Variants in ZFHX3 observed in about 807,000 individuals in gnomAD.
The protein encoded by ZFHX3 is zinc finger homeobox protein 3.
Under a neutral mutation model 279.1 loss-of-function variants are expected in ZFHX3, and 42 were observed. The ratio of observed to expected loss-of-function variants is 0.15; its 90% CI spans 0.12 to 0.19. ZFHX3 has a LOEUF of 0.19. Ranked by LOEUF, ZFHX3 falls within the 10% of genes least tolerant of loss-of-function variation. The pLI is 1.00. For synonymous variants in ZFHX3, 2,293 were observed against 1,957.8 expected, an observed-to-expected ratio of 1.17 and a Z score of -4.52; for missense variants, 4,981 against 4,754.0, an observed-to-expected ratio of 1.05 and a Z score of -1.40.
intron 4 of ZFHX3, among the ~76,000 whole-genome samples, chr16:72,830,464 GC>G (rs2037035839): frequency 6.6e-6 from 1 of 152,272 alleles, no homozygotes; most frequent in South Asian, 2.1e-4. Context: ...TTGTGAACAT[GC>G]CAGGAGGCAG....
At chr16:73,644,099 T>C (rs1173398846) in intron 2 of ZFHX3, among the ~76,000 whole-genome samples, 2 of 152,070 alleles carry the variant, frequency 1.3e-5, no homozygotes, top group Non-Finnish European at 2.9e-5. Flanking sequence ...AACATGTCTA[T>C]TTCTCTTTTT....
chr16:73,132,617 G>A (rs1966708393), intron 6 of ZFHX3, among the ~76,000 whole-genome samples: 2 of 152,218 alleles, frequency 1.3e-5, no homozygotes, highest in African/African-American at 4.8e-5. Context: ...ATATCACACA[G>A]AGACACAAAG....
Position 73,503,484 on chromosome 16 carries a change from G to A in ZFHX3, c.-1546-47226C>T, listed in dbSNP as rs576350854. 2.7e-4 allele frequency among the ~76,000 whole-genome samples: 41 copies of A among 152,286 alleles called. No homozygotes were observed. The South Asian group carries it at 8.5e-3, about 32-fold the overall frequency. ...TGACCGCACGTGTCTGCTCTTGGGG[G>A]TGGTACTCCATGGCGGCACCTACCC... On this transcript the variant is annotated intron_variant, in intron 2 of 17. Coordinates refer to the ZFHX3 transcript ENST00000641206.
chr16:73,222,071 CAG>C (rs1274874845), intron 5 of ZFHX3, among the ~76,000 whole-genome samples: 1 of 151,994 alleles, frequency 6.6e-6, no homozygotes, highest in African/African-American at 2.4e-5. Context: ...GATTGTTTCT[CAG>C]AGCTTCTTAC....
intron 5 of ZFHX3, among the ~76,000 whole-genome samples, chr16:73,207,812 C>A (rs1213393740): frequency 6.6e-6 from 1 of 151,994 alleles, no homozygotes; most frequent in African/African-American, 2.4e-5. Flanking sequence ...GAGAGAAAAC[C>A]CAGTACTGGC....
chr16:73,114,078 G>T (rs970348923), intron 7 of ZFHX3, among the ~76,000 whole-genome samples: 12 of 151,752 alleles, frequency 7.9e-5, no homozygotes, highest in South Asian at 4.2e-4. Context: ...TTACCGACGT[G>T]AGCTGCTGTG....
intron 1 of ZFHX3, among the ~76,000 whole-genome samples, chr16:73,778,080 A>AT (rs142100779): frequency 0.044 from 6,714 of 152,080 alleles, 518 homozygotes; most frequent in African/African-American, 0.15. Flanking sequence ...ATCAAACAAA[A>AT]TAAATATTTT....
In ZFHX3 at chr16:72,795,619, C is replaced by T. The variant is rs779603082; in HGVS notation, c.7063G>A (p.Glu2355Lys). 6.2e-7 allele frequency: 1 copy of T among 1,613,736 alleles called. No individual in the cohort carries two copies. The highest frequency in any genetic ancestry group is 1.3e-5 in the African/African-American group (1 of 74,998). ...CTGTCGTCCTGCCCCTCCTCATCCT[C>T]ATCCTTGTAACACAGCTTCTTCTGG... ...KHQKKLCYKDEDEEGQDDSQN... is the reference protein window; with the variant it reads ...KHQKKLCYKDKDEEGQDDSQN... Residue 2355 changes from glutamate (E) to lysine (K), a missense_variant, in exon 9 of 10, where the codon GAG (glutamate) becomes AAG (lysine). Around this residue, in one of 7 missense-constraint regions of ZFHX3, gnomAD observed 744 missense variants for 701.3 expected, o/e 1.06. Coordinates refer to ENST00000268489, the MANE Select transcript of ZFHX3 (RefSeq NM_006885.4).
chr16:73,484,168 A>T (rs559141497), intron 2 of ZFHX3, among the ~76,000 whole-genome samples: 1 of 152,128 alleles, frequency 6.6e-6, no homozygotes, highest in East Asian at 1.9e-4. Flanking sequence ...TCCTAGGTGA[A>T]GAGAGAAGCC....
chr16:72,792,241 G>A (rs1026081384), intron 9 of ZFHX3, among the ~76,000 whole-genome samples: 2 of 152,126 alleles, frequency 1.3e-5, no homozygotes, highest in Admixed American at 1.3e-4. Flanking sequence ...CAGTGATCAG[G>A]AGCAAGGAAA....
chr16:73,321,421 G>A (rs2015572225), intron 3 of ZFHX3, among the ~76,000 whole-genome samples: 1 of 152,132 alleles, frequency 6.6e-6, no homozygotes, highest in African/African-American at 2.4e-5. Context: ...TTTAAATGAG[G>A]TAACAGTTAT....
intron 2 of ZFHX3, among the ~76,000 whole-genome samples, chr16:73,602,342 G>T (rs1284303560): frequency 6.6e-6 from 1 of 152,170 alleles, no homozygotes; most frequent in Non-Finnish European, 1.5e-5. Flanking sequence ...GAGACCGTAT[G>T]AATACTACAG....
intron 1 of ZFHX3, among the ~76,000 whole-genome samples, chr16:73,011,949 G>A (rs548999749): frequency 3.9e-5 from 6 of 152,098 alleles, no homozygotes; most frequent in South Asian, 4.2e-4. Context: ...TTCTGTCCCC[G>A]TCCCCCAAGA....
At chr16:72,888,230 T>C (rs2038679700) in intron 4 of ZFHX3, among the ~76,000 whole-genome samples, 1 of 152,210 alleles carries the variant, frequency 6.6e-6, no homozygotes. Context: ...TTGATTATAT[T>C]AAGGTTAAAA....
intron 2 of ZFHX3, among the ~76,000 whole-genome samples, chr16:73,676,805 A>G (rs1242020836): frequency 6.7e-6 from 1 of 150,212 alleles, no homozygotes; most frequent in Non-Finnish European, 1.5e-5. Context: ...AATAAAAAAA[A>G]GAGTTTTAAT....
At chr16:73,539,420 C>T (rs916411432) in intron 2 of ZFHX3, among the ~76,000 whole-genome samples, 14 of 143,366 alleles carry the variant, frequency 9.8e-5, no homozygotes, top group Non-Finnish European at 2.0e-4. Context: ...AATTTTTTTC[C>T]CTTCCTCTTC....
chr16:73,318,659 G>A (rs771845002), intron 3 of ZFHX3, among the ~76,000 whole-genome samples: 2 of 152,110 alleles, frequency 1.3e-5, no homozygotes, highest in East Asian at 1.9e-4. Flanking sequence ...AAATGTCAGC[G>A]TCTCATTTAG....
chr16:73,509,494 C>G (rs1597363521), intron 2 of ZFHX3, among the ~76,000 whole-genome samples: 1 of 150,324 alleles, frequency 6.7e-6, no homozygotes, highest in African/African-American at 2.5e-5. Context: ...CACCTTGGTC[C>G]AGACAGTTTA....
intron 1 of ZFHX3, among the ~76,000 whole-genome samples, chr16:73,870,076 A>G (rs963434521): frequency 6.6e-6 from 1 of 152,236 alleles, no homozygotes; most frequent in Non-Finnish European, 1.5e-5. Context: ...TTCTGAATAC[A>G]GAGTATACGT....
Sources: gnomAD v4.1 joint callset for allele counts (sites outside exome capture counted in the v4.1 genomes callset) on GRCh38, gnomAD v4.1.1 for gene constraint, gnomAD v4.1.1 regional missense constraint, MANE v1.5 for transcripts, NCBI Gene and HGNC (gene_info 2026-07-23, HGNC 2026-07-21) for gene names.